The following LRP1B variants were observed in gnomAD, a reference collection of about 807,000 sequenced individuals.
The protein encoded by LRP1B is LDL receptor related protein 1B.
Under a neutral mutation model 556.6 loss-of-function variants are expected in LRP1B, and 217 were observed. That is an observed-to-expected ratio of 0.39 (90% confidence interval 0.35 to 0.44). LRP1B has a LOEUF of 0.44. LRP1B is among the 20% of genes least tolerant of loss of function. The probability of loss-of-function intolerance (pLI) is 1.00; values close to 1 mark genes in which losing one functional copy is unlikely to be tolerated. For synonymous variants in LRP1B, 2,047 were observed against 1,865.8 expected (o/e 1.10, Z -2.50); for missense variants, 5,053 against 5,620.8 (o/e 0.90, Z 3.23).
At chr2:141,572,771 A>C (rs1270259714) in intron 2 of LRP1B, among the ~76,000 whole-genome samples, 1 of 152,162 alleles carries the variant, frequency 6.6e-6, no homozygotes, top group Non-Finnish European at 1.5e-5. Flanking sequence ...ACAAACAAAC[A>C]AACAAAAAAA....
At chr2:142,035,988 A>T (rs1279754963) in intron 1 of LRP1B, among the ~76,000 whole-genome samples, 1 of 151,606 alleles carries the variant, frequency 6.6e-6, no homozygotes, top group Non-Finnish European at 1.5e-5. Flanking sequence ...TCTTGTTGCC[A>T]CCATGTAAGA....
chr2:141,087,296 G>A (rs527985409), intron 7 of LRP1B, among the ~76,000 whole-genome samples: 5 of 152,192 alleles, frequency 3.3e-5, no homozygotes, highest in African/African-American at 7.2e-5. Flanking sequence ...TCAGCCTATC[G>A]GACCTGGAGC....
intron 41 of LRP1B, among the ~76,000 whole-genome samples, chr2:140,618,883 TA>T (rs1472627703): frequency 6.6e-6 from 1 of 152,046 alleles, no homozygotes; most frequent in East Asian, 1.9e-4. Context: ...GAAGGTATAA[TA>T]ATGTGGGTGG....
chr2:141,119,099 T>C (rs1157323207), intron 7 of LRP1B, among the ~76,000 whole-genome samples: 1 of 151,974 alleles, frequency 6.6e-6, no homozygotes. Context: ...TTTTGTGTTT[T>C]ACACTCATTG....
intron 67 of LRP1B, among the ~76,000 whole-genome samples, chr2:140,379,496 T>G (rs12992843): frequency 0.089 from 13,598 of 152,004 alleles, 719 homozygotes; most frequent in Middle Eastern, 0.14. Context: ...GGAGTTCAAG[T>G]CCAGCTTGGT....
chr2:140,574,542 A>G (rs1681445290), intron 43 of LRP1B, among the ~76,000 whole-genome samples: 1 of 152,182 alleles, frequency 6.6e-6, no homozygotes, highest in African/African-American at 2.4e-5. Flanking sequence ...AGGCAATATA[A>G]TCAGCTCTCT....
chr2:141,013,826 A>G (rs1697824726), intron 13 of LRP1B, 81 bp from the exon 14 acceptor site: 4 of 785,420 alleles, frequency 5.1e-6, no homozygotes, highest in African/African-American at 1.8e-5. Flanking sequence ...GTGATATTCA[A>G]TAAGTATAAC....
intron 7 of LRP1B, among the ~76,000 whole-genome samples, chr2:141,175,753 G>A (rs941609256): frequency 6.6e-6 from 1 of 152,014 alleles, no homozygotes; most frequent in Non-Finnish European, 1.5e-5. Context: ...TCCTCCAGAC[G>A]CCAGAATGGA....
At chr2:141,845,194 A>C (rs1470537105) in intron 1 of LRP1B, among the ~76,000 whole-genome samples, 1 of 151,856 alleles carries the variant, frequency 6.6e-6, no homozygotes, top group Admixed American at 6.6e-5. Flanking sequence ...TTAGATAGAA[A>C]ACAATGACTG....
chr2:140,980,622 T>A (rs910524978), intron 18 of LRP1B, among the ~76,000 whole-genome samples: 2 of 152,124 alleles, frequency 1.3e-5, no homozygotes, highest in African/African-American at 4.8e-5. Context: ...AAATTTTAGG[T>A]AAGCATCCTC....
In LRP1B at chr2:140,325,810, C is replaced by T. The variant is rs2105064105; in HGVS notation, c.12292G>A (p.Val4098Ile). 1 of 1,613,122 alleles carries T rather than the reference C, an allele frequency of 6.2e-7. No homozygotes were observed. The highest frequency in any genetic ancestry group is 8.5e-7 in the Non-Finnish European group (1 of 1,179,504). ...ACTGAATTAGAGCCATCATACAGAA[C>T]ACTGCCAATGATGGAGAGCTCAAAG... ...ADFELSIIGS[V>I]LYDGSNSVVS... The change falls in exon 80 of 91, where the codon GTT (valine) becomes ATT (isoleucine). Residue 4098 changes from valine (V) to isoleucine (I), a missense_variant. By Grantham distance (29) the Val-to-Ile change is conservative. Coordinates refer to ENST00000389484, the MANE Select transcript of LRP1B (RefSeq NM_018557.3).
chr2:141,379,473 C>G (rs968246408), intron 3 of LRP1B, among the ~76,000 whole-genome samples: 1 of 152,156 alleles, frequency 6.6e-6, no homozygotes, highest in Non-Finnish European at 1.5e-5. Context: ...AGTTCAATTT[C>G]CTGTGCAAGA....
chr2:140,630,124 G>A (rs941236833), intron 41 of LRP1B, among the ~76,000 whole-genome samples: 3 of 152,218 alleles, frequency 2.0e-5, no homozygotes, highest in South Asian at 2.1e-4. Context: ...GCATTACCTG[G>A]GAACTTGTCA....
chr2:140,714,622 A>T (rs963578234), intron 37 of LRP1B, among the ~76,000 whole-genome samples: 1 of 152,194 alleles, frequency 6.6e-6, no homozygotes, highest in African/African-American at 2.4e-5. Context: ...TCTTTATTAG[A>T]AACAAACTAA....
chr2:140,321,690 A>G (rs1573786960), intron 82 of LRP1B, among the ~76,000 whole-genome samples: 1 of 152,012 alleles, frequency 6.6e-6, no homozygotes, highest in Non-Finnish European at 1.5e-5. Context: ...GAGTTATAAA[A>G]AAAATCTCTT....
intron 3 of LRP1B, among the ~76,000 whole-genome samples, chr2:141,471,533 C>T (rs13001716): frequency 0.15 from 22,625 of 152,088 alleles, 1,871 homozygotes; most frequent in African/African-American, 0.19. Context: ...TAATGTTCTT[C>T]CTTTCCTCAT....
At chr2:141,107,142 A>G (rs1241630013) in intron 7 of LRP1B, among the ~76,000 whole-genome samples, 1 of 152,156 alleles carries the variant, frequency 6.6e-6, no homozygotes, top group African/African-American at 2.4e-5. Context: ...TAAAAAAAAT[A>G]AAGAATAGGC....
chr2:142,049,784 C>T (rs528292704), intron 1 of LRP1B, among the ~76,000 whole-genome samples: 1 of 152,220 alleles, frequency 6.6e-6, no homozygotes, highest in South Asian at 2.1e-4. Context: ...TTAAGATGGT[C>T]TAAAACCCAT....
intron 2 of LRP1B, among the ~76,000 whole-genome samples, chr2:141,611,998 A>T (rs952566754): frequency 1.3e-5 from 2 of 152,208 alleles, no homozygotes; most frequent in Non-Finnish European, 2.9e-5. Context: ...GTTACCCTGG[A>T]AAGTGGATGA....
Sources: gnomAD v4.1 joint callset for allele counts (sites outside exome capture counted in the v4.1 genomes callset) on GRCh38, gnomAD v4.1.1 for gene constraint, MANE v1.5 for transcripts, NCBI Gene and HGNC (gene_info 2026-07-23, HGNC 2026-07-21) for gene names.